CHD7: variants seen among roughly 807,000 people sequenced by gnomAD.
CHD7 encodes the protein ATP-dependent chromatin remodeler CHD7.
Under a neutral mutation model 307.3 loss-of-function variants are expected in CHD7, and 24 were observed. That is an observed-to-expected ratio of 0.08 (90% CI 0.06 to 0.11). The LOEUF (loss-of-function observed/expected upper bound fraction) is 0.11. CHD7 is among the 10% of genes least tolerant of loss of function. The probability of loss-of-function intolerance (pLI) is 1.00; values close to 1 mark genes in which losing one functional copy is unlikely to be tolerated. For missense variants in CHD7, 3,106 were observed against 3,727.1 expected (o/e 0.83, Z 4.34); for synonymous variants, 1,363 against 1,349.9 (o/e 1.01, Z -0.21).
At chr8:60,728,848 A>G (rs1808301023) in intron 1 of CHD7, among the ~76,000 whole-genome samples, 1 of 152,224 alleles carries the variant, frequency 6.6e-6, no homozygotes, top group Admixed American at 6.5e-5. Context: ...TTGGGGGTAC[A>G]TGTGAAGGTT....
intron 1 of CHD7, among the ~76,000 whole-genome samples, chr8:60,686,140 T>C (rs1257481159): frequency 6.6e-6 from 1 of 152,192 alleles, no homozygotes; most frequent in African/African-American, 2.4e-5. Context: ...GTGTTGTTTG[T>C]AGGGACATGC....
intron 1 of CHD7, among the ~76,000 whole-genome samples, chr8:60,727,718 CTTCT>C (rs1808242015): frequency 6.6e-6 from 1 of 152,152 alleles, no homozygotes; most frequent in African/African-American, 2.4e-5. Flanking sequence ...CTTTGTCTTC[CTTCT>C]GTTTGTCAAT....
chr8:60,800,104 C>T (rs934181615), intron 4 of CHD7, among the ~76,000 whole-genome samples: 3 of 151,948 alleles, frequency 2.0e-5, no homozygotes, highest in African/African-American at 7.3e-5. Context: ...AATCTCGGCT[C>T]ACTGCAAGCT....
intron 2 of CHD7, among the ~76,000 whole-genome samples, chr8:60,760,138 A>T (rs914573723): frequency 6.6e-6 from 1 of 152,204 alleles, no homozygotes; most frequent in Non-Finnish European, 1.5e-5. Context: ...TCTGAAATAT[A>T]CATATACTCA....
chr8:60,698,282 C>G (rs990156044), intron 1 of CHD7, among the ~76,000 whole-genome samples: 9 of 152,098 alleles, frequency 5.9e-5, no homozygotes, highest in African/African-American at 2.2e-4. Context: ...CTTTCTGTAT[C>G]GAGGATAATT....
intron 6 of CHD7, among the ~76,000 whole-genome samples, chr8:60,806,569 A>G (rs1032726735): frequency 6.6e-6 from 1 of 152,182 alleles, no homozygotes; most frequent in Non-Finnish European, 1.5e-5. Flanking sequence ...AGGTGTTCTG[A>G]TACATTGGTT....
intron 1 of CHD7, among the ~76,000 whole-genome samples, chr8:60,733,682 A>C (rs770741179): frequency 4.6e-5 from 7 of 152,236 alleles, no homozygotes; most frequent in Non-Finnish European, 7.3e-5. Context: ...TGCTGTGGGC[A>C]TGCACTTAGT....
intron 23 of CHD7, among the ~76,000 whole-genome samples, chr8:60,848,014 C>A (rs755755479): frequency 4.6e-5 from 7 of 151,956 alleles, no homozygotes; most frequent in Non-Finnish European, 8.8e-5. Flanking sequence ...ACCTGACATT[C>A]CATATTGAGG....
intron 2 of CHD7, among the ~76,000 whole-genome samples, chr8:60,750,558 A>G (rs1809590994): frequency 6.6e-6 from 1 of 152,268 alleles, no homozygotes; most frequent in Non-Finnish European, 1.5e-5. Flanking sequence ...ACATTTTACC[A>G]TTAAAGAAAC....
chr8:60,821,855 G>T lies in CHD7; in HGVS notation c.2763G>T (p.Arg921Ser). The change falls in exon 10 of 38, where the codon AGG becomes AGT. Residue 921 changes from arginine (R) to serine (S), a missense_variant. Around this residue, in one of 10 missense-constraint regions of CHD7, gnomAD observed 188 missense variants for 261.7 expected, o/e 0.72. Coordinates refer to ENST00000423902, the MANE Select transcript of CHD7 (RefSeq NM_017780.4). Reference sequence around the variant, plus strand: ...ATGAAGACAGCACGTGGGAGCGGAGGCAGGACATAGATCAAGCAAAGATCG... The same window carrying T: ...ATGAAGACAGCACGTGGGAGCGGAGTCAGGACATAGATCAAGCAAAGATCG... ...LPYEDSTWER[R>S]QDIDQAKIEE... 1 of 1,600,544 alleles carries T rather than the reference G, an allele frequency of 6.2e-7. No individual in the cohort carries two copies. Among genetic ancestry groups the T allele is most frequent in the East Asian group, 2.3e-5 (1 of 44,412 alleles).
intron 6 of CHD7, among the ~76,000 whole-genome samples, chr8:60,804,703 GTTTC>G (rs1454268790): frequency 6.6e-6 from 1 of 152,072 alleles, no homozygotes; most frequent in Non-Finnish European, 1.5e-5. Context: ...CTGTATTTTA[GTTTC>G]TTGACTGTGA....
chr8:60,826,647 C>A (rs1804265302), intron 13 of CHD7, among the ~76,000 whole-genome samples: 1 of 152,224 alleles, frequency 6.6e-6, no homozygotes, highest in Non-Finnish European at 1.5e-5. Flanking sequence ...GTCTTCAGCT[C>A]TGCAGACACC....
chr8:60,782,846 A>G (rs1425495144), intron 3 of CHD7, among the ~76,000 whole-genome samples: 2 of 152,234 alleles, frequency 1.3e-5, no homozygotes, highest in African/African-American at 4.8e-5. Flanking sequence ...GTGTGACTTT[A>G]TGAGGTAGTT....
intron 34 of CHD7, among the ~76,000 whole-genome samples, chr8:60,858,097 A>G (rs965942614): frequency 5.3e-5 from 8 of 152,152 alleles, no homozygotes; most frequent in Non-Finnish European, 7.4e-5. Flanking sequence ...CTCTACTACA[A>G]TTATAAAAAT....
chr8:60,766,294 G>A (rs184744259), intron 2 of CHD7, among the ~76,000 whole-genome samples: 2 of 152,224 alleles, frequency 1.3e-5, no homozygotes, highest in Admixed American at 1.3e-4. Context: ...TGAGAGAAAG[G>A]GGGGGAATTA....
intron 3 of CHD7, 100 bp downstream of exon 3, chr8:60,781,530 A>G (rs1260873412): frequency 1.0e-5 from 14 of 1,396,512 alleles, no homozygotes; most frequent in South Asian, 1.7e-5. Flanking sequence ...AGGGGACACA[A>G]TGATTTTTGT....
At chr8:60,733,296 C>T (rs1444757763) in intron 1 of CHD7, among the ~76,000 whole-genome samples, 1 of 150,924 alleles carries the variant, frequency 6.6e-6, no homozygotes, top group Non-Finnish European at 1.5e-5. Context: ...CATATGTGAT[C>T]TACACCTAGG....
At chr8:60,759,732 A>G (rs1586280369) in intron 2 of CHD7, among the ~76,000 whole-genome samples, 1 of 152,226 alleles carries the variant, frequency 6.6e-6, no homozygotes, top group East Asian at 1.9e-4. Flanking sequence ...CTAGTATGGG[A>G]TTTAAAAATT....
intron 31 of CHD7, among the ~76,000 whole-genome samples, chr8:60,853,796 A>G (rs1805586486): frequency 1.3e-5 from 2 of 152,228 alleles, no homozygotes; most frequent in Non-Finnish European, 2.9e-5. Flanking sequence ...TAAGAATTCT[A>G]TGTGATTTTA....
Sources: allele counts gnomAD v4.1 joint callset (sites outside exome capture counted in the v4.1 genomes callset), GRCh38; gene constraint gnomAD v4.1.1; regional missense constraint gnomAD v4.1.1; transcripts MANE v1.5; gene names NCBI Gene and HGNC (gene_info 2026-07-23, HGNC 2026-07-21).